Variants in PTPRN2 observed in about 807,000 individuals in gnomAD.
PTPRN2 encodes receptor-type tyrosine-protein phosphatase N2.
A neutral mutation model predicts 118.8 loss-of-function variants in PTPRN2; 74 were observed. The ratio of observed to expected loss-of-function variants is 0.62; its 90% CI spans 0.52 to 0.76. The LOEUF (loss-of-function observed/expected upper bound fraction) is 0.76, where lower values mean the gene tolerates loss of function less well. Among genes scored for constraint, PTPRN2 ranks in the 30% least tolerant of loss-of-function variants. PTPRN2 has a pLI of 0.00. For missense variants in PTPRN2, 1,481 were observed against 1,394.4 expected (o/e 1.06, Z -0.99); for synonymous variants, 641 against 608.0 (o/e 1.05, Z -0.80).
intron 3 of PTPRN2, among the ~76,000 whole-genome samples, chr7:158,206,781 A>C: frequency 6.6e-6 from 1 of 151,324 alleles, no homozygotes. Context: ...ACAGAACCAA[A>C]GTCTTTTCTT....
intron 2 of PTPRN2, among the ~76,000 whole-genome samples, chr7:158,447,034 T>C (rs1017801495): frequency 4.6e-5 from 7 of 152,232 alleles, no homozygotes; most frequent in Non-Finnish European, 1.0e-4. Context: ...GCAGCTAGGA[T>C]GCCAGGTGGG....
chr7:158,270,053 G>C (rs1352423589), intron 3 of PTPRN2, among the ~76,000 whole-genome samples: 1 of 152,234 alleles, frequency 6.6e-6, no homozygotes, highest in Non-Finnish European at 1.5e-5. Flanking sequence ...TGCCTCTTCT[G>C]ACCTTGGATG....
intron 12 of PTPRN2, among the ~76,000 whole-genome samples, chr7:157,805,900 GT>G (rs1437515286): frequency 6.6e-6 from 1 of 152,172 alleles, no homozygotes; most frequent in African/African-American, 2.4e-5. Flanking sequence ...CCTGTTCTGC[GT>G]TAGCGATGGG....
chr7:158,023,846 G>C (rs1472460949), intron 11 of PTPRN2, among the ~76,000 whole-genome samples: 1 of 150,486 alleles, frequency 6.6e-6, no homozygotes, highest in Non-Finnish European at 1.5e-5. Flanking sequence ...ACACACACGT[G>C]CAGGCAAACA....
At chr7:157,991,135 C>T (rs1217514612) in intron 11 of PTPRN2, among the ~76,000 whole-genome samples, 5 of 152,170 alleles carry the variant, frequency 3.3e-5, no homozygotes, top group Non-Finnish European at 7.4e-5. Flanking sequence ...CCAAGGCGAC[C>T]GAGCTTCCCT....
intron 2 of PTPRN2, among the ~76,000 whole-genome samples, chr7:158,441,269 A>AGTG (rs1473977585): frequency 3.2e-5 from 2 of 62,536 alleles, no homozygotes; most frequent in Non-Finnish European, 8.0e-5. Flanking sequence ...TGATGGTGAT[A>AGTG]GTGATGGTGA....
In PTPRN2 at chr7:157,615,421, T is replaced by C. The variant is rs747900015; in HGVS notation, c.2344+5941A>G. On this transcript the variant is annotated intron_variant, in intron 15 of 22. Coordinates refer to ENST00000389418, the MANE Select transcript of PTPRN2 (RefSeq NM_002847.5). This position sits in a 1 kb window ranked among gnomAD's most constrained non-coding sequence, Gnocchi z 4.3. The stretch of plus-strand genomic sequence containing the variant: ...TCTGTCCCTGTGTGAATCTCAGGGC[T>C]GTTTCGAGGATGAAAAGGAGGTGTT... 1.7e-5 allele frequency: 8 copies of C among 471,184 alleles called. No individual in the cohort carries two copies. The highest frequency in any genetic ancestry group is 9.3e-5 in the South Asian group (6 of 64,566). 29.2% of individuals were successfully genotyped at this position (471,184 alleles called of 1,614,324 possible).
chr7:158,168,403 C>G (rs924089066), intron 5 of PTPRN2, among the ~76,000 whole-genome samples: 3 of 152,162 alleles, frequency 2.0e-5, no homozygotes, highest in Non-Finnish European at 4.4e-5. Flanking sequence ...TCTTTGTGTG[C>G]CCTTATTGAC....
chr7:158,041,780 C>T (rs73171531), intron 11 of PTPRN2, among the ~76,000 whole-genome samples: 4,887 of 152,204 alleles, frequency 0.032, 107 homozygotes, highest in Non-Finnish European at 0.049. Context: ...AAAAGCGAAA[C>T]GAGTATTGCA....
At chr7:158,443,362 C>T (rs1277974772) in intron 2 of PTPRN2, among the ~76,000 whole-genome samples, 1 of 152,258 alleles carries the variant, frequency 6.6e-6, no homozygotes, top group Non-Finnish European at 1.5e-5. Flanking sequence ...AGGTTTATAT[C>T]AAATCAGCAG....
intron 2 of PTPRN2, among the ~76,000 whole-genome samples, chr7:158,441,375 AGTGGTGGTG>A (rs547877831): frequency 7.5e-6 from 1 of 133,572 alleles, no homozygotes. Context: ...CAGTGGTGGC[AGTGGTGGTG>A]GTGGTGATAA....
chr7:158,350,073 C>T (rs1191104695), intron 2 of PTPRN2, among the ~76,000 whole-genome samples: 2 of 152,178 alleles, frequency 1.3e-5, no homozygotes, highest in African/African-American at 4.8e-5. Flanking sequence ...CCTAAAACAT[C>T]CTCAAACAGA....
intron 2 of PTPRN2, among the ~76,000 whole-genome samples, chr7:158,378,260 C>G (rs375213310): frequency 6.6e-6 from 1 of 152,210 alleles, no homozygotes; most frequent in Non-Finnish European, 1.5e-5. Flanking sequence ...GAGGCTGTCC[C>G]CTCAGCTCTT....
chr7:158,129,294 C>CA (rs1817968883), intron 9 of PTPRN2, among the ~76,000 whole-genome samples: 1 of 147,696 alleles, frequency 6.8e-6, no homozygotes, highest in Non-Finnish European at 1.5e-5. Context: ...AACACATAAA[C>CA]CACACAGGAC....
At chr7:158,327,375 AT>A (rs1803713923) in intron 2 of PTPRN2, among the ~76,000 whole-genome samples, 1 of 62,874 alleles carries the variant, frequency 1.6e-5, no homozygotes, top group Non-Finnish European at 3.9e-5. Context: ...TCACACACAC[AT>A]TATCACATGC....
intron 11 of PTPRN2, among the ~76,000 whole-genome samples, chr7:157,919,691 A>G (rs923021457): frequency 1.3e-5 from 2 of 152,272 alleles, no homozygotes; most frequent in African/African-American, 4.8e-5. Context: ...ATTAATAATT[A>G]GGAGGACACA....
At chr7:158,180,971 AC>A (rs1456035783) in intron 5 of PTPRN2, among the ~76,000 whole-genome samples, 3 of 152,164 alleles carry the variant, frequency 2.0e-5, no homozygotes, top group African/African-American at 7.2e-5. Context: ...GACTTCCAGT[AC>A]TATGTTGAAT....
At chr7:158,010,038 C>A (rs1409385548) in intron 11 of PTPRN2, among the ~76,000 whole-genome samples, 2 of 152,200 alleles carry the variant, frequency 1.3e-5, no homozygotes, top group Non-Finnish European at 2.9e-5. Context: ...CCCTCACTTC[C>A]AGCCATGCCC....
chr7:157,623,509 C>T (rs1405942503), intron 14 of PTPRN2, among the ~76,000 whole-genome samples: 1 of 152,186 alleles, frequency 6.6e-6, no homozygotes, highest in African/African-American at 2.4e-5. Context: ...CAGGTTTAAT[C>T]CAATCGAAAA....
Sources: gnomAD v4.1 joint callset for allele counts (sites outside exome capture counted in the v4.1 genomes callset) on GRCh38, gnomAD v4.1.1 for gene constraint, Gnocchi (gnomAD v3.1) non-coding constraint, MANE v1.5 for transcripts, NCBI Gene and HGNC (gene_info 2026-07-23, HGNC 2026-07-21) for gene names.